Variants in STK39 observed in about 807,000 individuals in gnomAD.
STK39 encodes the protein STE20/SPS1-related proline-alanine-rich protein kinase.
A neutral mutation model predicts 77.8 loss-of-function variants in STK39; 20 were observed. The ratio of observed to expected loss-of-function variants is 0.26; its 90% CI spans 0.18 to 0.37. The LOEUF is 0.37. STK39 is among the 10% of genes least tolerant of loss of function. The pLI is 1.00. For missense variants in STK39, 479 were observed against 656.5 expected (o/e 0.73, Z 2.95); for synonymous variants, 246 against 234.1 (o/e 1.05, Z -0.47).
chr2:168,219,470 C>T lies in STK39; in HGVS notation c.208+27758G>A, dbSNP rs536711696. ...CTTCCTCAGGGAGAAGGAGGCTTTT[C>T]TGTGACTTCTTTTACTTCCTTGCCT... On this transcript the variant is annotated intron_variant, in intron 1 of 17. Transcript: ENST00000355999. 4.6e-4 allele frequency among the ~76,000 whole-genome samples: 70 copies of T among 152,266 alleles called. 1 individual carries two copies. Among genetic ancestry groups the T allele is most frequent in the Non-Finnish European group, 8.7e-4 (59 of 68,020 alleles).
intron 12 of STK39, among the ~76,000 whole-genome samples, chr2:168,070,884 A>G (rs1204476976): frequency 1.3e-5 from 2 of 152,132 alleles, no homozygotes; most frequent in Non-Finnish European, 2.9e-5. Flanking sequence ...ATTCCAGGAT[A>G]AGTAATGCAA....
intron 10 of STK39, among the ~76,000 whole-genome samples, chr2:168,120,608 T>C (rs1382742054): frequency 2.6e-5 from 4 of 152,182 alleles, no homozygotes; most frequent in Non-Finnish European, 4.4e-5. Flanking sequence ...GCAGCAATCA[T>C]AAATGTTACA....
At chr2:168,183,914 ACT>A (rs1164165836) in intron 1 of STK39, among the ~76,000 whole-genome samples, 1 of 152,194 alleles carries the variant, frequency 6.6e-6, no homozygotes, top group African/African-American at 2.4e-5. Flanking sequence ...AGACACTATC[ACT>A]GAAGGGAGCC....
At chr2:167,965,270 G>T (rs16854412) in intron 16 of STK39, among the ~76,000 whole-genome samples, 3 of 152,170 alleles carry the variant, frequency 2.0e-5, no homozygotes, top group African/African-American at 7.2e-5. Context: ...CAACTCAAGC[G>T]CATGTTTTAA....
chr2:168,105,941 C>A (rs1474126414), intron 10 of STK39, among the ~76,000 whole-genome samples: 2 of 152,200 alleles, frequency 1.3e-5, no homozygotes, highest in Non-Finnish European at 2.9e-5. Context: ...TGTACAAACC[C>A]TGAAAACAGG....
intron 5 of STK39, among the ~76,000 whole-genome samples, chr2:168,147,862 C>A (rs926815814): frequency 6.6e-6 from 1 of 152,180 alleles, no homozygotes; most frequent in Non-Finnish European, 1.5e-5. Context: ...AGAAGAAAAA[C>A]ACAGACCAGG....
intron 16 of STK39, among the ~76,000 whole-genome samples, chr2:167,969,828 T>C (rs1692280718): frequency 6.6e-6 from 1 of 152,154 alleles, no homozygotes; most frequent in Non-Finnish European, 1.5e-5. Context: ...AGGCAGACCA[T>C]GTTACTTATC....
intron 10 of STK39, among the ~76,000 whole-genome samples, chr2:168,120,912 T>G (rs1687388752): frequency 6.6e-6 from 1 of 152,186 alleles, no homozygotes; most frequent in African/African-American, 2.4e-5. Flanking sequence ...CTACACTTGC[T>G]AGAACCCTGG....
intron 1 of STK39, among the ~76,000 whole-genome samples, chr2:168,194,497 T>C (rs1302278523): frequency 2.6e-5 from 4 of 151,998 alleles, no homozygotes; most frequent in Non-Finnish European, 4.4e-5. Flanking sequence ...AACATGTAAG[T>C]TTATTATTTG....
chr2:168,013,332 G>T (rs1684318420), intron 15 of STK39, among the ~76,000 whole-genome samples: 1 of 152,214 alleles, frequency 6.6e-6, no homozygotes, highest in African/African-American at 2.4e-5. Context: ...ATCTCATAAG[G>T]ATGGGACTAA....
intron 1 of STK39, among the ~76,000 whole-genome samples, chr2:168,230,513 C>A (rs1481523028): frequency 3.9e-5 from 6 of 152,144 alleles, no homozygotes; most frequent in African/African-American, 7.2e-5. Context: ...TGGGTCTGAC[C>A]CCAAACTGAA....
At chr2:168,001,659 T>A (rs554649274) in intron 16 of STK39, among the ~76,000 whole-genome samples, 22 of 152,314 alleles carry the variant, frequency 1.4e-4, no homozygotes, top group Admixed American at 1.4e-3. Flanking sequence ...CTTTCAAATT[T>A]TTTTGATTGA....
In STK39 at chr2:168,041,942, A is replaced by C. The variant is rs181845251; in HGVS notation, c.1376+21558T>G. On this transcript the variant is annotated intron_variant, in intron 14 of 17. Coordinates refer to ENST00000355999, the MANE Select transcript of STK39 (RefSeq NM_013233.3). The stretch of plus-strand genomic sequence containing the variant: ...TGCCATGTTATCCAAGGTTCTTTAT[A>C]GAAAGAACCAAGAGATAAATTCCAC... 1.5e-4 allele frequency among the ~76,000 whole-genome samples: 23 copies of C among 152,326 alleles called. 1 individual carries two copies. The highest frequency in any genetic ancestry group is 4.8e-4 in the African/African-American group (20 of 41,580).
At chr2:168,053,873 G>A (rs557630691) in intron 14 of STK39, among the ~76,000 whole-genome samples, 1 of 152,284 alleles carries the variant, frequency 6.6e-6, no homozygotes, top group South Asian at 2.1e-4. Context: ...TAGCCAGCTG[G>A]AGAATTACAG....
intron 17 of STK39, among the ~76,000 whole-genome samples, chr2:167,956,384 C>T (rs1302137737): frequency 6.6e-6 from 1 of 152,008 alleles, no homozygotes; most frequent in Non-Finnish European, 1.5e-5. Context: ...TGGTGAAACC[C>T]CGTCTCTACT....
chr2:168,097,281 C>G (rs1686695957), intron 10 of STK39, among the ~76,000 whole-genome samples: 1 of 152,220 alleles, frequency 6.6e-6, no homozygotes, highest in South Asian at 2.1e-4. Context: ...GTTCATGTAT[C>G]CATTTTACCA....
chr2:168,246,216 C>G (rs1690895589), intron 1 of STK39, among the ~76,000 whole-genome samples: 4 of 152,116 alleles, frequency 2.6e-5, no homozygotes, highest in Admixed American at 6.5e-5. Flanking sequence ...ACGCTGAGGG[C>G]CCACTTAACC....
At chr2:168,153,903 G>A (rs1208475554) in intron 5 of STK39, among the ~76,000 whole-genome samples, 1 of 152,186 alleles carries the variant, frequency 6.6e-6, no homozygotes, top group Non-Finnish European at 1.5e-5. Flanking sequence ...AAATGGCAAG[G>A]GGTTGGAGGG....
intron 1 of STK39, among the ~76,000 whole-genome samples, chr2:168,233,683 T>G (rs181409064): frequency 6.6e-5 from 10 of 152,200 alleles, no homozygotes; most frequent in Non-Finnish European, 1.5e-4. Context: ...AAATTAATTT[T>G]GGTACTATTT....
Sources: allele counts gnomAD v4.1 joint callset (sites outside exome capture counted in the v4.1 genomes callset), GRCh38; gene constraint gnomAD v4.1.1; transcripts MANE v1.5; gene names NCBI Gene and HGNC (gene_info 2026-07-23, HGNC 2026-07-21).